Variants in HABP4 observed in about 807,000 individuals in gnomAD.
The protein encoded by HABP4 is hyaluronan binding protein 4, also known as intracellular hyaluronan-binding protein 4.
In HABP4, 32 loss-of-function variants were observed where a neutral mutation model predicts 44.1. The observed-to-expected ratio is 0.73, with a 90% confidence interval of 0.55 to 0.97. HABP4 has a LOEUF of 0.97. Among genes scored for constraint, HABP4 ranks in the 50% least tolerant of loss-of-function variants. HABP4 has a pLI of 0.00. For synonymous variants in HABP4, 216 were observed against 218.0 expected (o/e 0.99, Z 0.08); for missense variants, 503 against 561.9 (o/e 0.90, Z 1.06).
chr9:96,465,245 A>G (rs1587677471), intron 2 of HABP4, 92 bp from the exon 3 acceptor site: 3 of 780,936 alleles, frequency 3.8e-6, no homozygotes, highest in East Asian at 2.4e-5. Context: ...TCTTTCCAGT[A>G]TACTATAACC....
At position 96,458,544 on chromosome 9, in the gene HABP4, A is replaced by G. The variant is rs767615764; in HGVS notation, c.512+3A>G. ...GCTGAGAAGTTTCCAGATGAAAAGT[A>G]TGTGCTGCAGTCCTCAGCAGGGCGG... On this transcript the variant is annotated splice_donor_region_variant and intron_variant, in intron 2 of 7. Transcript: ENST00000375249. The G allele has an allele frequency of 3.7e-6, 6 of 1,607,630 alleles. No homozygotes were observed. The highest frequency in any genetic ancestry group is 2.2e-5 in the East Asian group (1 of 44,746).
At chr9:96,472,431 CCT>C (rs1832714094) in intron 5 of HABP4, among the ~76,000 whole-genome samples, 1 of 152,156 alleles carries the variant, frequency 6.6e-6, no homozygotes, top group Non-Finnish European at 1.5e-5. Flanking sequence ...TGCAACATTT[CCT>C]TCTATATCAC....
intron 4 of HABP4, among the ~76,000 whole-genome samples, chr9:96,467,525 T>C (rs1263544593): frequency 8.8e-5 from 13 of 148,284 alleles, no homozygotes; most frequent in Admixed American, 3.3e-4. Flanking sequence ...TTTCTTTTTT[T>C]CCTTTTTTTT....
Position 96,458,227 on chromosome 9 carries a change from G to A in HABP4, c.350-152G>A, listed in dbSNP as rs559673025. 1.5e-5 allele frequency: 11 copies of A among 754,070 alleles called. No homozygotes were observed. In the East Asian group the frequency reaches 2.7e-4, roughly 19 times the overall value. 46.7% of individuals were successfully genotyped at this position (754,070 alleles called of 1,614,324 possible). On this transcript the variant is annotated intron_variant, in intron 1 of 7. Coordinates refer to ENST00000375249, the MANE Select transcript of HABP4 (RefSeq NM_014282.4). ...TAGACTGTGGGCAGTTGTAGTATCAGCAACTTTTTTCTTTGAAGTTTTCTA... is the reference window on the plus strand; with the variant it reads ...TAGACTGTGGGCAGTTGTAGTATCAACAACTTTTTTCTTTGAAGTTTTCTA...
chr9:96,456,780 A>AAAATATAT (rs1554724388), intron 1 of HABP4, among the ~76,000 whole-genome samples: 3 of 44,768 alleles, frequency 6.7e-5, no homozygotes, highest in African/African-American at 1.8e-4. Context: ...AAAAAAAAAA[A>AAAATATAT]ATATATATAT....
At chr9:96,452,143 C>T (rs1409505814) in intron 1 of HABP4, among the ~76,000 whole-genome samples, 1 of 148,994 alleles carries the variant, frequency 6.7e-6, no homozygotes, top group Admixed American at 6.8e-5. Context: ...AGGAGAATGG[C>T]GTGAACCCAG....
rs183916395 is a variant in HABP4 at position 96,466,108 on chromosome 9, C to G, written c.743+330C>G. Reference sequence around the variant, plus strand: ...TTTGTTGGCTGCACACGGTGACTCACGCCTGTAATCCCAGTACTTTGGAAG... The same window carrying G: ...TTTGTTGGCTGCACACGGTGACTCAGGCCTGTAATCCCAGTACTTTGGAAG... On this transcript the variant is annotated intron_variant, in intron 4 of 7. Transcript: ENST00000375249. Among the ~76,000 whole-genome samples, 80 of 152,252 alleles carry G rather than the reference C, an allele frequency of 5.3e-4. No homozygotes were observed. The East Asian group carries it at 0.012, about 23-fold the overall frequency.
In HABP4 at chr9:96,491,047, C is replaced by T. The variant is rs1833086237; in HGVS notation, c.*1009C>T. On this transcript the variant is annotated 3_prime_UTR_variant, in exon 8 of 8. Coordinates refer to ENST00000375249, the MANE Select transcript of HABP4 (RefSeq NM_014282.4). ...AGTCCCACCCTGAACAGAGCTGGAC[C>T]CAGAGCCACACACGCCCGGGAACAC... 2 of 152,290 alleles carry T rather than the reference C, an allele frequency of 1.3e-5. No homozygotes were observed. Among genetic ancestry groups the T allele is most frequent in the Admixed American group, 6.5e-5 (1 of 15,276 alleles). The allele number at this position is 152,290 out of a possible 1,614,324, so 9.4% of individuals were successfully genotyped here.
intron 5 of HABP4, among the ~76,000 whole-genome samples, chr9:96,471,494 C>T (rs1832697935): frequency 6.6e-6 from 1 of 152,106 alleles, no homozygotes; most frequent in East Asian, 1.9e-4. Context: ...AACCCCTTAT[C>T]CTATCACAGA....
rs201290714 is a variant in HABP4 at position 96,465,324 on chromosome 9, C to T, written c.513-13C>T. On this transcript the variant is annotated splice_polypyrimidine_tract_variant and intron_variant, in intron 2 of 7. Transcript: ENST00000375249. ...TTAATTTACCAGTTTTTATTATATC[C>T]ACTCCTTCCTAGACCAGGTGATAGG... is the stretch of plus-strand genomic sequence containing the variant. The T allele has an allele frequency of 7.3e-4, 1,155 of 1,577,384 alleles. 2 individuals are homozygous for T. Among genetic ancestry groups the T allele is most frequent in the South Asian group, 2.4e-3 (215 of 89,872 alleles).
At position 96,488,335 on chromosome 9, in the gene HABP4, G is replaced by C. The variant is rs970708486; in HGVS notation, c.1185+61G>C. 3 of 1,170,882 alleles carry C rather than the reference G, an allele frequency of 2.6e-6. No individual in the cohort carries two copies. Among genetic ancestry groups the C allele is most frequent in the Non-Finnish European group, 3.6e-6 (3 of 826,786 alleles). 72.5% of individuals were successfully genotyped at this position (1,170,882 alleles called of 1,614,324 possible). A position where few individuals can be genotyped will look rare whatever the true frequency, so the allele number is the denominator to read the frequency against. ...TAATAAGGACAGTGCCCTGGGCCCA[G>C]GATGGTCTAATTTCAGAGGGTCATG... On this transcript the variant is annotated intron_variant, in intron 7 of 7. Coordinates refer to ENST00000375249, the MANE Select transcript of HABP4 (RefSeq NM_014282.4). This position sits in a 1 kb window ranked among gnomAD's most constrained non-coding sequence, Gnocchi z 4.6.
intron 5 of HABP4, among the ~76,000 whole-genome samples, chr9:96,476,382 TATG>T (rs1832786581): frequency 6.6e-6 from 1 of 152,258 alleles, no homozygotes; most frequent in African/African-American, 2.4e-5. Flanking sequence ...GTTAAAGCAG[TATG>T]ATTTCTATAA....
At chr9:96,468,849 C>T (rs944470775) in intron 4 of HABP4, among the ~76,000 whole-genome samples, 4 of 152,038 alleles carry the variant, frequency 2.6e-5, no homozygotes, top group Non-Finnish European at 4.4e-5. Flanking sequence ...CTTAGTAAAT[C>T]GGCTTGAGGT....
chr9:96,482,376 C>T (rs1385530784), intron 5 of HABP4, among the ~76,000 whole-genome samples: 1 of 152,164 alleles, frequency 6.6e-6, no homozygotes, highest in Non-Finnish European at 1.5e-5. Context: ...TAAGTGGAAT[C>T]GTTCAATGTT....
In HABP4 at chr9:96,450,500, G is replaced by A. The variant is rs1231480576; in HGVS notation, c.221G>A (p.Ser74Asn). The A allele has an allele frequency of 2.5e-6, 3 of 1,213,796 alleles. No homozygotes were observed. In the African/African-American group the frequency reaches 4.7e-5, roughly 19 times the overall value. 75.2% of individuals were successfully genotyped at this position (1,213,796 alleles called of 1,614,324 possible). ...AAGAGPRGGR[S>N]PAGASGHRAG... ...GGGGCCGGTCCCCGCGGCGGCAGGA[G>A]CCCAGCCGGGGCCTCGGGCCACAGA... Residue 74 changes from serine to asparagine, a missense_variant, in exon 1 of 8, where the codon AGC becomes AAC. Coordinates refer to ENST00000375249, the MANE Select transcript of HABP4 (RefSeq NM_014282.4). This position sits in a 1 kb window ranked among gnomAD's most constrained non-coding sequence, Gnocchi z 4.8.
intron 5 of HABP4, among the ~76,000 whole-genome samples, chr9:96,475,828 A>G (rs1030144608): frequency 1.3e-5 from 2 of 152,182 alleles, no homozygotes; most frequent in East Asian, 1.9e-4. Flanking sequence ...AATACAAACT[A>G]TCTGCAATAA....
chr9:96,480,170 G>A (rs1411115975), intron 5 of HABP4, among the ~76,000 whole-genome samples: 2 of 152,006 alleles, frequency 1.3e-5, no homozygotes, highest in African/African-American at 4.8e-5. Flanking sequence ...GTGAGACCCT[G>A]TCTCAAAACA....
intron 1 of HABP4, among the ~76,000 whole-genome samples, chr9:96,457,305 C>T (rs542147775): frequency 6.6e-6 from 1 of 151,508 alleles, no homozygotes; most frequent in Admixed American, 6.6e-5. Flanking sequence ...CGGGCCATTG[C>T]ACTCCAGCCT....
chr9:96,465,882 G>A (rs765770746), intron 4 of HABP4, 104 bp downstream of exon 4: 13 of 692,646 alleles, frequency 1.9e-5, no homozygotes, highest in Non-Finnish European at 3.1e-5. Flanking sequence ...CTTTATACTT[G>A]TGTGCCCCTA....
Sources: allele counts gnomAD v4.1 joint callset (sites outside exome capture counted in the v4.1 genomes callset), GRCh38; gene constraint gnomAD v4.1.1; non-coding constraint Gnocchi (gnomAD v3.1); transcripts MANE v1.5; gene names NCBI Gene and HGNC (gene_info 2026-07-23, HGNC 2026-07-21).